CDH12: variants seen among roughly 807,000 people sequenced by gnomAD.
CDH12 encodes the protein cadherin-12.
In CDH12, 41 loss-of-function variants were observed where a neutral mutation model predicts 74.1. That is an observed-to-expected ratio of 0.55 (90% confidence interval 0.43 to 0.72). The LOEUF is 0.72. CDH12 is among the 30% of genes least tolerant of loss of function. The pLI is 0.00. For synonymous variants in CDH12, 399 were observed against 355.0 expected (o/e 1.12, Z -1.39); for missense variants, 945 against 977.2 (o/e 0.97, Z 0.44).
At chr5:22,833,221 C>A (rs778837690) in intron 1 of CDH12, among the ~76,000 whole-genome samples, 4 of 152,148 alleles carry the variant, frequency 2.6e-5, no homozygotes, top group Non-Finnish European at 5.9e-5. Context: ...GGAATCTTTT[C>A]TATGTTCTGA....
At chr5:22,557,425 A>C (rs1273791610) in intron 1 of CDH12, among the ~76,000 whole-genome samples, 1 of 152,118 alleles carries the variant, frequency 6.6e-6, no homozygotes, top group Admixed American at 6.6e-5. Flanking sequence ...AGCAACGGAT[A>C]CAATTTTTAC....
intron 2 of CDH12, among the ~76,000 whole-genome samples, chr5:22,466,054 G>A (rs1390377848): frequency 2.6e-5 from 4 of 152,012 alleles, no homozygotes; most frequent in African/African-American, 7.2e-5. Flanking sequence ...CCTGGGGCAC[G>A]GCTTTTATTC....
chr5:22,340,852 T>C (rs183379281), intron 3 of CDH12, among the ~76,000 whole-genome samples: 167 of 152,272 alleles, frequency 1.1e-3, no homozygotes, highest in Middle Eastern at 6.8e-3. Flanking sequence ...TCAGAATAAC[T>C]TGGAATACTG....
intron 6 of CDH12, among the ~76,000 whole-genome samples, chr5:21,972,021 C>T (rs1439709601): frequency 1.3e-5 from 2 of 152,224 alleles, no homozygotes; most frequent in Middle Eastern, 3.4e-3. Context: ...CTTGACTCAT[C>T]CTACCCACCA....
At chr5:22,758,624 C>T (rs1453103703) in intron 1 of CDH12, among the ~76,000 whole-genome samples, 6 of 151,512 alleles carry the variant, frequency 4.0e-5, no homozygotes, top group Non-Finnish European at 7.4e-5. Context: ...GGCAGTTTTA[C>T]GCAGCATTAA....
intron 1 of CDH12, among the ~76,000 whole-genome samples, chr5:22,780,451 G>A (rs554666587): frequency 6.6e-6 from 1 of 152,186 alleles, no homozygotes; most frequent in African/African-American, 2.4e-5. Context: ...AAGGCCTCAG[G>A]AAACTTACAA....
At chr5:22,225,154 G>A (rs560198054) in intron 3 of CDH12, among the ~76,000 whole-genome samples, 1 of 152,080 alleles carries the variant, frequency 6.6e-6, no homozygotes, top group African/African-American at 2.4e-5. Flanking sequence ...TGCACCCTCT[G>A]TCTGTGACAT....
At chr5:22,157,831 A>T (rs1200155469) in intron 4 of CDH12, among the ~76,000 whole-genome samples, 2 of 152,100 alleles carry the variant, frequency 1.3e-5, no homozygotes, top group African/African-American at 4.8e-5. Flanking sequence ...TAAATCTCAC[A>T]TACTTTTAAG....
At chr5:21,838,583 A>G (rs1350602948) in intron 8 of CDH12, among the ~76,000 whole-genome samples, 1 of 152,076 alleles carries the variant, frequency 6.6e-6, no homozygotes, top group Non-Finnish European at 1.5e-5. Flanking sequence ...CAAAACAAAA[A>G]AAAGTTCCAA....
chr5:21,904,143 T>C (rs927973080), intron 6 of CDH12, among the ~76,000 whole-genome samples: 6 of 152,196 alleles, frequency 3.9e-5, no homozygotes, highest in African/African-American at 1.4e-4. Flanking sequence ...ATTCTGCTAA[T>C]AAACTTCATG....
chr5:22,614,235 C>G (rs187038099), intron 1 of CDH12, among the ~76,000 whole-genome samples: 1 of 151,966 alleles, frequency 6.6e-6, no homozygotes, highest in Admixed American at 6.6e-5. Context: ...ACAATGAGGG[C>G]GAGATATCAA....
intron 3 of CDH12, among the ~76,000 whole-genome samples, chr5:22,367,298 G>C (rs1741077110): frequency 6.6e-6 from 1 of 152,256 alleles, no homozygotes; most frequent in South Asian, 2.1e-4. Context: ...AAATTGGAGA[G>C]TTAAAGTGTT....
chr5:22,127,123 T>A (rs943185461), intron 4 of CDH12, among the ~76,000 whole-genome samples: 12 of 152,074 alleles, frequency 7.9e-5, no homozygotes, highest in Non-Finnish European at 1.6e-4. Context: ...CAAAAACAAC[T>A]ATATTGTGCA....
At chr5:21,871,149 A>G (rs1751597154) in intron 6 of CDH12, among the ~76,000 whole-genome samples, 1 of 152,164 alleles carries the variant, frequency 6.6e-6, no homozygotes. Context: ...AGTCTGGAAT[A>G]GTGAGGGCTA....
intron 4 of CDH12, among the ~76,000 whole-genome samples, chr5:22,174,118 T>G (rs768093708): frequency 6.6e-6 from 1 of 151,998 alleles, no homozygotes; most frequent in Non-Finnish European, 1.5e-5. Flanking sequence ...GTTAGTATTC[T>G]CATTCTATAG....
chr5:22,842,171 G>C (rs1416452758), intron 1 of CDH12, among the ~76,000 whole-genome samples: 1 of 152,102 alleles, frequency 6.6e-6, no homozygotes, highest in Non-Finnish European at 1.5e-5. Context: ...TGTTAGTCAT[G>C]ACTGGGACTA....
chr5:21,809,821 A>T (rs1399256242), intron 9 of CDH12, among the ~76,000 whole-genome samples: 1 of 152,122 alleles, frequency 6.6e-6, no homozygotes, highest in African/African-American at 2.4e-5. Flanking sequence ...ATATAGTAGG[A>T]GGAATGAGTT....
In CDH12 at chr5:22,400,087, A is replaced by G. The variant is rs534974175; in HGVS notation, c.-333+5170T>C. 6.6e-5 allele frequency among the ~76,000 whole-genome samples: 10 copies of G among 152,284 alleles called. No individual in the cohort carries two copies. The East Asian group carries it at 1.9e-3, about 29-fold the overall frequency. On this transcript the variant is annotated intron_variant, in intron 3 of 14. Coordinates refer to ENST00000382254, the MANE Select transcript of CDH12 (RefSeq NM_004061.5). Reference sequence around the variant, plus strand: ...TCAATCTTCATTGGCATAACTAAGCATCAGTAACATATACTTCCCCCCTTT... The same window carrying G: ...TCAATCTTCATTGGCATAACTAAGCGTCAGTAACATATACTTCCCCCCTTT...
At chr5:22,598,810 G>A (rs1325124358) in intron 1 of CDH12, among the ~76,000 whole-genome samples, 4 of 152,126 alleles carry the variant, frequency 2.6e-5, no homozygotes, top group East Asian at 3.9e-4. Flanking sequence ...ACACAGCCCT[G>A]TGTATGATCA....
Sources: gnomAD v4.1 joint callset for allele counts (sites outside exome capture counted in the v4.1 genomes callset) on GRCh38, gnomAD v4.1.1 for gene constraint, MANE v1.5 for transcripts, NCBI Gene and HGNC (gene_info 2026-07-23, HGNC 2026-07-21) for gene names.